ERAP1: variants seen among roughly 807,000 people sequenced by gnomAD.
ERAP1 encodes adipocyte-derived leucine aminopeptidase.
In ERAP1, 86 loss-of-function variants were observed where a neutral mutation model predicts 103.7. The observed-to-expected ratio is 0.83, with a 90% confidence interval of 0.70 to 0.99. The LOEUF (loss-of-function observed/expected upper bound fraction) is 0.99. Among genes scored for constraint, ERAP1 ranks in the 50% least tolerant of loss-of-function variants. The pLI is 0.00. For synonymous variants in ERAP1, 398 were observed against 402.4 expected (o/e 0.99, Z 0.13); for missense variants, 1,009 against 1,128.4 (o/e 0.89, Z 1.52).
At chr5:96,856,365 T>TATATAGAGAGAGAGAG in the ERAP1 span, among the ~76,000 whole-genome samples, 22 of 20,368 alleles carry the variant, frequency 1.1e-3, no homozygotes, top group East Asian at 1.7e-3. Context: ...TATATATATA[T>TATATAGAGAGAGAGAG]AGAGAGAGAG....
At chr5:96,863,131 G>A in the ERAP1 span, among the ~76,000 whole-genome samples, 27 of 151,924 alleles carry the variant, frequency 1.8e-4, no homozygotes, top group Non-Finnish European at 3.2e-4. Flanking sequence ...ATCCACCACT[G>A]TGCCCTAAGT....
At chr5:96,909,592 C>T in the ERAP1 span, 2 of 1,613,906 alleles carry the variant, frequency 1.2e-6, no homozygotes, top group Non-Finnish European at 1.7e-6. Context: ...TTACCTTCTT[C>T]AGTATTTTAA....
chr5:96,823,008 T>C, the ERAP1 span: 1 of 455,810 alleles, frequency 2.2e-6, no homozygotes. Context: ...TTACACAAGG[T>C]TGTAGGACAG....
the ERAP1 span, among the ~76,000 whole-genome samples, chr5:96,854,455 A>C: frequency 7.0e-6 from 1 of 143,696 alleles, no homozygotes; most frequent in Non-Finnish European, 1.5e-5. Flanking sequence ...AACAAACAAC[A>C]AAAAAAAAAC....
chr5:96,904,829 C>T, the ERAP1 span, among the ~76,000 whole-genome samples: 16 of 152,280 alleles, frequency 1.1e-4, no homozygotes, highest in East Asian at 1.9e-3. Context: ...AGGAAATTTG[C>T]AGTTATTGAT....
chr5:96,765,406 G>A lies in ERAP1; in HGVS notation c.2819-2178C>T, dbSNP rs1769565425. ...GGGTCTTGACTCTGTCATTGTCATA[G>A]GAATATTGATGTGAACTTAACCTAT... On this transcript the variant is annotated intron_variant, in intron 19 of 19. Transcript: ENST00000296754. 5 of 706,170 alleles carry A rather than the reference G, an allele frequency of 7.1e-6. No individual in the cohort carries two copies. In the East Asian group the frequency reaches 1.4e-4, roughly 19 times the overall value. The allele number at this position is 706,170 out of a possible 1,614,324, so 43.7% of individuals were successfully genotyped here.
At chr5:96,912,624 C>CT in the ERAP1 span, 1 of 1,572,076 alleles carries the variant, frequency 6.4e-7, no homozygotes, top group Non-Finnish European at 8.6e-7. Context: ...CATTTTTATG[C>CT]TTGATATTAC....
At position 96,786,630 on chromosome 5, in the gene ERAP1, C is replaced by T. The variant is rs1776037393; in HGVS notation, c.1680-81G>A. On this transcript the variant is annotated intron_variant, in intron 11 of 18. Transcript: ENST00000443439. ...ATTAAATCACCTATCATGTGCCAGG[C>T]ACTGGTTAGTTTAGAACAAGATAGT... 9 of 927,800 alleles carry T rather than the reference C, an allele frequency of 9.7e-6. No homozygotes were observed. The South Asian group carries it at 1.1e-4, about 11-fold the overall frequency. The allele number at this position is 927,800 out of a possible 1,614,324, so 57.5% of individuals were successfully genotyped here. A position where few individuals can be genotyped will look rare whatever the true frequency, so the allele number is the denominator to read the frequency against.
intron 4 of ERAP1, among the ~76,000 whole-genome samples, chr5:96,796,576 G>C (rs1777368199): frequency 6.6e-6 from 1 of 152,154 alleles, no homozygotes; most frequent in Admixed American, 6.5e-5. Context: ...TAAATACTAA[G>C]TTTCAGAGGG....
the ERAP1 span, chr5:96,909,665 C>G: frequency 6.2e-7 from 1 of 1,614,168 alleles, no homozygotes; most frequent in Non-Finnish European, 8.5e-7. Context: ...ATGCTCCGCT[C>G]GGCTCTCTTG....
the ERAP1 span, among the ~76,000 whole-genome samples, chr5:96,820,590 T>C: frequency 6.6e-6 from 1 of 152,116 alleles, no homozygotes; most frequent in African/African-American, 2.4e-5. Context: ...CAGTGAGTCC[T>C]ATAAAATTGC....
At chr5:96,917,157 A>T in the ERAP1 span, among the ~76,000 whole-genome samples, 1 of 152,168 alleles carries the variant, frequency 6.6e-6, no homozygotes, top group Non-Finnish European at 1.5e-5. Context: ...GCCAGGCTGG[A>T]GTGCAGTGGC....
chr5:96,898,904 C>G, the ERAP1 span, among the ~76,000 whole-genome samples: 4 of 152,166 alleles, frequency 2.6e-5, no homozygotes, highest in African/African-American at 9.7e-5. Flanking sequence ...CTCTCCATTT[C>G]CCTCTCCCTT....
At chr5:96,900,225 T>C in the ERAP1 span, 136 of 1,612,308 alleles carry the variant, frequency 8.4e-5, no homozygotes, top group Non-Finnish European at 1.1e-4. Flanking sequence ...AGAAGAGATC[T>C]GTGGAATAGC....
At chr5:96,832,294 G>T in the ERAP1 span, among the ~76,000 whole-genome samples, 1 of 152,192 alleles carries the variant, frequency 6.6e-6, no homozygotes, top group African/African-American at 2.4e-5. Context: ...CTGGCCAGGA[G>T]GCAGTTACAT....
the ERAP1 span, chr5:96,909,043 G>A: frequency 1.2e-6 from 2 of 1,614,018 alleles, no homozygotes; most frequent in Admixed American, 1.7e-5. Flanking sequence ...ACTTCTCGAA[G>A]GTCTGAGTTA....
At chr5:96,914,607 C>T in the ERAP1 span, among the ~76,000 whole-genome samples, 1 of 152,234 alleles carries the variant, frequency 6.6e-6, no homozygotes, top group Admixed American at 6.5e-5. Context: ...CCCTGCCCAA[C>T]CATGTGCAGA....
the ERAP1 span, chr5:96,933,988 CCTT>C: frequency 2.6e-5 from 4 of 152,202 alleles, no homozygotes; most frequent in East Asian, 5.8e-4. Context: ...GATACAGACA[CCTT>C]CTCTGTACTG....
At chr5:96,863,535 C>T in the ERAP1 span, among the ~76,000 whole-genome samples, 1 of 152,128 alleles carries the variant, frequency 6.6e-6, no homozygotes, top group Non-Finnish European at 1.5e-5. Context: ...TAATCCTCCC[C>T]CGTGCCCGAT....
Sources: allele counts gnomAD v4.1 joint callset (sites outside exome capture counted in the v4.1 genomes callset), GRCh38; gene constraint gnomAD v4.1.1; transcripts MANE v1.5; gene names NCBI Gene and HGNC (gene_info 2026-07-23, HGNC 2026-07-21).